PLCB1: variants seen among roughly 807,000 people sequenced by gnomAD.
PLCB1 encodes the protein phospholipase C beta 1.
In PLCB1, 46 loss-of-function variants were observed where a neutral mutation model predicts 161.8. The observed-to-expected ratio is 0.28, with a 90% CI of 0.22 to 0.36. The LOEUF is 0.36. Among genes scored for constraint, PLCB1 ranks in the 10% least tolerant of loss-of-function variants. PLCB1 has a pLI of 1.00. For synonymous variants in PLCB1, 517 were observed against 503.7 expected, an observed-to-expected ratio of 1.03 and a Z score of -0.35; for missense variants, 1,016 against 1,472.5, an observed-to-expected ratio of 0.69 and a Z score of 5.07.
intron 3 of PLCB1, among the ~76,000 whole-genome samples, chr20:8,482,310 G>C (rs1172269617): frequency 6.6e-6 from 1 of 151,738 alleles, no homozygotes; most frequent in Non-Finnish European, 1.5e-5. Context: ...CACCACGTTG[G>C]GCAGGATGGT....
chr20:8,818,513 T>C (rs1043135094), intron 31 of PLCB1, among the ~76,000 whole-genome samples: 3 of 152,232 alleles, frequency 2.0e-5, no homozygotes, highest in Admixed American at 6.5e-5. Flanking sequence ...TTGCAAATGA[T>C]GTGAATAACT....
chr20:8,307,861 GA>G (rs10709120), intron 2 of PLCB1, among the ~76,000 whole-genome samples: 152,033 of 152,034 alleles, frequency 1, 76,016 homozygotes, highest in Non-Finnish European at 1. Flanking sequence ...GGCAGATGTT[GA>G]CAGTGAGCTA....
intron 2 of PLCB1, among the ~76,000 whole-genome samples, chr20:8,189,627 A>C (rs1285694167): frequency 6.6e-6 from 1 of 152,094 alleles, no homozygotes; most frequent in Admixed American, 6.6e-5. Flanking sequence ...ATTTTCTATC[A>C]AATTACAAAA....
chr20:8,802,253 C>G, intron 31 of PLCB1: 1 of 731,286 alleles, frequency 1.4e-6, no homozygotes. Context: ...CGGACTTGCT[C>G]GTTTGTCCTT....
chr20:8,169,875 T>C (rs952998928), intron 2 of PLCB1, among the ~76,000 whole-genome samples: 1 of 152,112 alleles, frequency 6.6e-6, no homozygotes, highest in Non-Finnish European at 1.5e-5. Flanking sequence ...TCTGGACAAA[T>C]TTGGAGGGCT....
At chr20:8,717,318 T>C (rs887366404) in intron 13 of PLCB1, among the ~76,000 whole-genome samples, 2 of 152,218 alleles carry the variant, frequency 1.3e-5, no homozygotes, top group Non-Finnish European at 2.9e-5. Flanking sequence ...GCTTCCCTCC[T>C]TCAAAAATTC....
In PLCB1 at chr20:8,671,163, A is replaced by G. The variant is rs202122943; in HGVS notation, c.862+12459A>G. Reference sequence around the variant, plus strand: ...GGCAGACACATTGTCCAGTTTTCCCATCTTGACTGTGATTATTCTACGTGG... The same window carrying G: ...GGCAGACACATTGTCCAGTTTTCCCGTCTTGACTGTGATTATTCTACGTGG... On this transcript the variant is annotated intron_variant, in intron 9 of 31. Coordinates refer to ENST00000338037, the MANE Select transcript of PLCB1 (RefSeq NM_015192.4). Among the ~76,000 whole-genome samples, 17 of 152,296 alleles carry G rather than the reference A, an allele frequency of 1.1e-4. No individual in the cohort carries two copies. In the East Asian group the frequency reaches 2.7e-3, roughly 24 times the overall value.
intron 2 of PLCB1, among the ~76,000 whole-genome samples, chr20:8,334,818 C>G (rs1985511205): frequency 6.6e-6 from 1 of 152,148 alleles, no homozygotes; most frequent in Admixed American, 6.6e-5. Context: ...GTCTATGACC[C>G]AGACCTACCT....
intron 3 of PLCB1, among the ~76,000 whole-genome samples, chr20:8,445,701 T>G (rs1458836389): frequency 6.6e-6 from 1 of 152,146 alleles, no homozygotes; most frequent in African/African-American, 2.4e-5. Flanking sequence ...CTTCCATTTG[T>G]TTGTGTCCTC....
At chr20:8,315,364 T>G (rs890629979) in intron 2 of PLCB1, among the ~76,000 whole-genome samples, 6 of 152,186 alleles carry the variant, frequency 3.9e-5, no homozygotes, top group African/African-American at 1.4e-4. Context: ...TTTTTCCAGA[T>G]TTTCTGCAAA....
intron 3 of PLCB1, among the ~76,000 whole-genome samples, chr20:8,592,006 G>A (rs1051507093): frequency 6.6e-6 from 1 of 152,098 alleles, no homozygotes; most frequent in Non-Finnish European, 1.5e-5. Context: ...GCCCAAACAA[G>A]AAATTCACTT....
At chr20:8,764,005 A>C (rs1007160912) in intron 25 of PLCB1, among the ~76,000 whole-genome samples, 1 of 152,044 alleles carries the variant, frequency 6.6e-6, no homozygotes, top group South Asian at 2.1e-4. Context: ...TCTCCATAAA[A>C]AATAGAAAAT....
chr20:8,712,063 G>A (rs1979046618), intron 12 of PLCB1, among the ~76,000 whole-genome samples: 1 of 152,166 alleles, frequency 6.6e-6, no homozygotes, highest in African/African-American at 2.4e-5. Flanking sequence ...AGCACTTTGG[G>A]AGGCCGAGAC....
At chr20:8,504,317 T>C (rs2122825016) in intron 3 of PLCB1, among the ~76,000 whole-genome samples, 1 of 152,220 alleles carries the variant, frequency 6.6e-6, no homozygotes, top group African/African-American at 2.4e-5. Flanking sequence ...ACAGTCCCCT[T>C]GAGCTATAAG....
chr20:8,381,678 G>A (rs544794218), intron 3 of PLCB1, among the ~76,000 whole-genome samples: 2 of 152,276 alleles, frequency 1.3e-5, no homozygotes, highest in South Asian at 4.1e-4. Flanking sequence ...TTGGGAGGTT[G>A]TATGTGTCCA....
chr20:8,168,894 G>A (rs1246094378), intron 2 of PLCB1, among the ~76,000 whole-genome samples: 1 of 152,120 alleles, frequency 6.6e-6, no homozygotes. Flanking sequence ...TCAGTAGAGA[G>A]GTAGAAATCA....
chr20:8,582,109 G>C (rs6086515), intron 3 of PLCB1, among the ~76,000 whole-genome samples: 93,524 of 152,014 alleles, frequency 0.62, 30,881 homozygotes, highest in African/African-American at 0.87. Context: ...CATTTACCAG[G>C]ACACCTCTGC....
At chr20:8,494,782 C>T (rs1250351816) in intron 3 of PLCB1, among the ~76,000 whole-genome samples, 2 of 152,126 alleles carry the variant, frequency 1.3e-5, no homozygotes, top group Non-Finnish European at 2.9e-5. Flanking sequence ...TTCTCTACCA[C>T]TTCTAGTTTA....
rs1173794140 is a variant in PLCB1 at position 8,582,938 on chromosome 20, G to A, written c.247-45356G>A. On this transcript the variant is annotated intron_variant, in intron 3 of 31. Transcript: ENST00000338037. ...CAGGAGGTGGAAGTTGCAGTGAGCC[G>A]AGATCACACCGCTGCACTCTAGCCT... is the stretch of plus-strand genomic sequence containing the variant. Among the ~76,000 whole-genome samples the A allele has an allele frequency of 3.4e-5, 5 of 148,120 alleles. No individual in the cohort carries two copies. The East Asian group carries it at 6.0e-4, about 18-fold the overall frequency.
Sources: gnomAD v4.1 joint callset for allele counts (sites outside exome capture counted in the v4.1 genomes callset) on GRCh38, gnomAD v4.1.1 for gene constraint, MANE v1.5 for transcripts, NCBI Gene and HGNC (gene_info 2026-07-23, HGNC 2026-07-21) for gene names.